CDYL2: variants seen among roughly 807,000 people sequenced by gnomAD.
CDYL2 encodes chromodomain Y-like protein 2.
A neutral mutation model predicts 49.4 loss-of-function variants in CDYL2; 23 were observed. That is an observed-to-expected ratio of 0.47 (90% CI 0.34 to 0.66). The LOEUF is 0.66. Among genes scored for constraint, CDYL2 ranks in the 30% least tolerant of loss-of-function variants. CDYL2 has a pLI of 0.01. For synonymous variants in CDYL2, 360 were observed against 268.8 expected, an observed-to-expected ratio of 1.34 and a Z score of -3.32; for missense variants, 678 against 656.4, an observed-to-expected ratio of 1.03 and a Z score of -0.36.
At chr16:80,782,426 C>T (rs540258132) in intron 1 of CDYL2, among the ~76,000 whole-genome samples, 134 of 148,852 alleles carry the variant, frequency 9.0e-4, no homozygotes, top group African/African-American at 3.2e-3. Context: ...GAATTAGCAC[C>T]AATTCTTCTT....
At chr16:80,783,037 G>A (rs1384058857) in intron 1 of CDYL2, among the ~76,000 whole-genome samples, 1 of 152,006 alleles carries the variant, frequency 6.6e-6, no homozygotes, top group East Asian at 1.9e-4. Context: ...AGAAAACACA[G>A]ATACAGTAGA....
intron 1 of CDYL2, among the ~76,000 whole-genome samples, chr16:80,707,999 C>A (rs1904463945): frequency 6.6e-6 from 1 of 152,112 alleles, no homozygotes; most frequent in Non-Finnish European, 1.5e-5. Context: ...GCTATTTCTA[C>A]AAGAAAGGCT....
chr16:80,604,471 G>C lies in CDYL2; in HGVS notation c.1438C>G (p.Leu480Val), dbSNP rs202026090. 2 of 1,614,162 alleles carry C rather than the reference G, an allele frequency of 1.2e-6. No individual in the cohort carries two copies. The highest frequency in any genetic ancestry group is 4.5e-5 in the East Asian group (2 of 44,868). ...VLEDVNEKEC[L>V]MLKQLWSSSK... ...GAGCTCCAGAGCTGCTTGAGCATGAGGCATTCCTTCTCGTTCACGTCTTCC... is the reference window on the plus strand; with the variant it reads ...GAGCTCCAGAGCTGCTTGAGCATGACGCATTCCTTCTCGTTCACGTCTTCC... Residue 480 changes from leucine to valine, a missense_variant, in exon 7 of 7, where the codon CTC becomes GTC. By Grantham distance (32) the Leu-to-Val change is conservative. Transcript: ENST00000570137.
At chr16:80,609,889 C>T (rs1049343220) in intron 5 of CDYL2, among the ~76,000 whole-genome samples, 5 of 152,148 alleles carry the variant, frequency 3.3e-5, no homozygotes, top group African/African-American at 9.6e-5. Flanking sequence ...GCTAAGAAAA[C>T]GAACATAAAC....
At chr16:80,686,344 G>C (rs1040487909) in intron 1 of CDYL2, among the ~76,000 whole-genome samples, 1 of 152,138 alleles carries the variant, frequency 6.6e-6, no homozygotes, top group African/African-American at 2.4e-5. Flanking sequence ...ATTAAAAGAA[G>C]GTGGAAAATT....
chr16:80,716,166 C>A (rs544803656), intron 1 of CDYL2, among the ~76,000 whole-genome samples: 1 of 152,254 alleles, frequency 6.6e-6, no homozygotes, highest in Admixed American at 6.5e-5. Context: ...TCATTCTTAT[C>A]TCAGCTCAAA....
intron 1 of CDYL2, among the ~76,000 whole-genome samples, chr16:80,695,412 T>A (rs543214228): frequency 6.6e-6 from 1 of 152,196 alleles, no homozygotes; most frequent in Non-Finnish European, 1.5e-5. Context: ...AATAATAACA[T>A]TGAATGTAAA....
chr16:80,756,041 A>G (rs1386519001), intron 1 of CDYL2, among the ~76,000 whole-genome samples: 2 of 152,314 alleles, frequency 1.3e-5, no homozygotes, highest in East Asian at 3.8e-4. Context: ...ATAATAACAC[A>G]CATAATAATT....
At chr16:80,631,706 A>G (rs1907570531) in intron 3 of CDYL2, among the ~76,000 whole-genome samples, 1 of 152,218 alleles carries the variant, frequency 6.6e-6, no homozygotes, top group Non-Finnish European at 1.5e-5. Context: ...TCAACCATAG[A>G]AAGAAAAGTG....
intron 1 of CDYL2, among the ~76,000 whole-genome samples, chr16:80,776,380 G>C (rs1005843906): frequency 1.3e-5 from 2 of 151,958 alleles, no homozygotes; most frequent in Non-Finnish European, 2.9e-5. Context: ...GAATACCACA[G>C]CTAAGAATTT....
At chr16:80,722,906 G>T (rs945374710) in intron 1 of CDYL2, among the ~76,000 whole-genome samples, 6 of 152,202 alleles carry the variant, frequency 3.9e-5, no homozygotes, top group Admixed American at 6.5e-5. Context: ...CTTGGCTGGA[G>T]GATTCAGTCC....
At chr16:80,774,707 G>A (rs915321374) in intron 1 of CDYL2, among the ~76,000 whole-genome samples, 4 of 151,996 alleles carry the variant, frequency 2.6e-5, no homozygotes, top group Admixed American at 2.6e-4. Flanking sequence ...AATAAGTGTA[G>A]CAGGAGGATA....
At chr16:80,684,486 T>C in intron 2 of CDYL2, 52 bp downstream of exon 2, 1 of 1,535,510 alleles carries the variant, frequency 6.5e-7, no homozygotes. Flanking sequence ...CAGGCAGAGC[T>C]CCCCTTTCGC....
chr16:80,660,265 A>T (rs578043600), intron 2 of CDYL2, among the ~76,000 whole-genome samples: 1 of 152,230 alleles, frequency 6.6e-6, no homozygotes, highest in South Asian at 2.1e-4. Flanking sequence ...AAATGTAATT[A>T]CTGGCTGTGA....
At chr16:80,658,864 T>C (rs879831696) in intron 2 of CDYL2, among the ~76,000 whole-genome samples, 3 of 152,144 alleles carry the variant, frequency 2.0e-5, no homozygotes, top group African/African-American at 4.8e-5. Flanking sequence ...GAAAATCTTA[T>C]TGTACCTAAA....
At chr16:80,749,796 T>C (rs867594608) in intron 1 of CDYL2, among the ~76,000 whole-genome samples, 62 of 152,212 alleles carry the variant, frequency 4.1e-4, no homozygotes, top group South Asian at 4.1e-4. Flanking sequence ...CATATGTTTA[T>C]TGTGGCACTA....
chr16:80,610,707 G>T (rs747941295), intron 5 of CDYL2, among the ~76,000 whole-genome samples: 7 of 152,162 alleles, frequency 4.6e-5, no homozygotes, highest in Non-Finnish European at 5.9e-5. Flanking sequence ...TGTCCAAGAG[G>T]CATGATGACA....
intron 2 of CDYL2, among the ~76,000 whole-genome samples, chr16:80,670,281 C>T (rs966699993): frequency 8.4e-6 from 1 of 118,928 alleles, no homozygotes; most frequent in Admixed American, 8.1e-5. Flanking sequence ...TGGGAGTTGA[C>T]TGGATCACGG....
At chr16:80,735,799 A>G (rs1435187210) in intron 1 of CDYL2, among the ~76,000 whole-genome samples, 1 of 152,216 alleles carries the variant, frequency 6.6e-6, no homozygotes, top group African/African-American at 2.4e-5. Flanking sequence ...TGCCTCTTCA[A>G]AAGAAACCTG....
Sources: allele counts gnomAD v4.1 joint callset (sites outside exome capture counted in the v4.1 genomes callset), GRCh38; gene constraint gnomAD v4.1.1; transcripts MANE v1.5; gene names NCBI Gene and HGNC (gene_info 2026-07-23, HGNC 2026-07-21).